Variants in SLC2A2 observed in about 807,000 individuals in gnomAD.
SLC2A2 encodes the protein solute carrier family 2, facilitated glucose transporter member 2.
A neutral mutation model predicts 54.5 loss-of-function variants in SLC2A2; 36 were observed. That is an observed-to-expected ratio of 0.66 (90% CI 0.51 to 0.87). The LOEUF is 0.87. Ranked by LOEUF, SLC2A2 falls within the 40% of genes least tolerant of loss-of-function variation. The pLI is 0.00. For missense variants in SLC2A2, 543 were observed against 624.3 expected (o/e 0.87, Z 1.39); for synonymous variants, 223 against 219.1 (o/e 1.02, Z -0.16).
intron 2 of SLC2A2, among the ~76,000 whole-genome samples, chr3:171,015,367 G>C (rs1716099091): frequency 6.6e-6 from 1 of 152,112 alleles, no homozygotes; most frequent in African/African-American, 2.4e-5. Context: ...CTACTTGGAG[G>C]GGGCTGAAGC....
intron 7 of SLC2A2, 59 bp from the exon 8 acceptor site, chr3:171,002,739 AG>A: frequency 2.2e-6 from 2 of 918,974 alleles, no homozygotes; most frequent in Non-Finnish European, 1.8e-6. Context: ...ATATCTTTAA[AG>A]CAAGAAATAT....
In SLC2A2 at chr3:171,026,678, G is replaced by T. The variant is rs994564889; in HGVS notation, c.-8C>A. On this transcript the variant is annotated 5_prime_UTR_variant, in exon 1 of 11. Coordinates refer to ENST00000314251, the MANE Select transcript of SLC2A2 (RefSeq NM_000340.2). ...TACCTTATCTTCTGTCATTGTACTA[G>T]TTGGGAGTCCTGTCAATTCCAGGTC... The T allele has an allele frequency of 8.1e-6, 13 of 1,612,772 alleles. No individual in the cohort carries two copies. Among genetic ancestry groups the T allele is most frequent in the Non-Finnish European group, 1.0e-5 (12 of 1,178,866 alleles).
At chr3:171,022,899 A>G (rs1311300242) in intron 1 of SLC2A2, among the ~76,000 whole-genome samples, 1 of 152,170 alleles carries the variant, frequency 6.6e-6, no homozygotes, top group African/African-American at 2.4e-5. Flanking sequence ...GTCCCACATT[A>G]CTTTGACAAA....
chr3:171,013,982 A>G (rs1323009626), intron 3 of SLC2A2, among the ~76,000 whole-genome samples: 2 of 145,292 alleles, frequency 1.4e-5, no homozygotes, highest in African/African-American at 2.7e-5. Context: ...ACCGCATAAC[A>G]AATACATTGG....
chr3:171,018,591 A>G lies in SLC2A2; in HGVS notation c.48T>C (p.Thr16=), dbSNP rs1231770999. The change falls in exon 2 of 11, where the codon ACT becomes ACC. Residue 16 remains threonine (T), a synonymous_variant. Coordinates refer to ENST00000314251, the MANE Select transcript of SLC2A2 (RefSeq NM_000340.2). ...CAAACTGGAAGGAACCCAGCACAGC[A>G]GTGATGACAGTGAAAACCAGGGTCC... ...VTGTLVFTVI[T]AVLGSFQFGY... 1 of 1,614,080 alleles carries G rather than the reference A, an allele frequency of 6.2e-7. No individual in the cohort carries two copies. Among genetic ancestry groups the G allele is most frequent in the South Asian group, 1.1e-5 (1 of 91,078 alleles).
chr3:171,014,402 T>C, intron 3 of SLC2A2, 67 bp downstream of exon 3: 1 of 1,539,014 alleles, frequency 6.5e-7, no homozygotes, highest in Non-Finnish European at 9.0e-7. Flanking sequence ...AATATTTTTC[T>C]AAACAAGTGT....
At chr3:171,000,572 A>G (rs554357498) in intron 8 of SLC2A2, among the ~76,000 whole-genome samples, 22 of 152,092 alleles carry the variant, frequency 1.4e-4, no homozygotes, top group African/African-American at 5.3e-4. Context: ...TCTTAGTTCC[A>G]ATTTGGTAGT....
intron 2 of SLC2A2, among the ~76,000 whole-genome samples, chr3:171,015,272 TA>T (rs1333042599): frequency 6.6e-6 from 1 of 152,046 alleles, no homozygotes; most frequent in African/African-American, 2.4e-5. Flanking sequence ...AGTTTGAGAC[TA>T]GGCTGGGCAA....
At chr3:171,019,035 T>A (rs1039035730) in intron 1 of SLC2A2, among the ~76,000 whole-genome samples, 11 of 149,064 alleles carry the variant, frequency 7.4e-5, no homozygotes, top group Non-Finnish European at 1.3e-4. Context: ...AAACTTTGTT[T>A]TATATATATA....
intron 1 of SLC2A2, among the ~76,000 whole-genome samples, chr3:171,025,479 C>T (rs553502430): frequency 6.6e-6 from 1 of 151,918 alleles, no homozygotes; most frequent in African/African-American, 2.4e-5. Flanking sequence ...CCTGAATATC[C>T]CATATTATAT....
chr3:171,003,304 C>T (rs1416606262), intron 7 of SLC2A2, among the ~76,000 whole-genome samples: 2 of 151,778 alleles, frequency 1.3e-5, no homozygotes, highest in Non-Finnish European at 2.9e-5. Flanking sequence ...TATTAATATA[C>T]CACGATTTAC....
At chr3:171,014,831 A>C in intron 2 of SLC2A2, 100 bp from the exon 3 acceptor site, 8 of 917,888 alleles carry the variant, frequency 8.7e-6, no homozygotes, top group Non-Finnish European at 1.4e-5. Context: ...GTACCATCTC[A>C]ATTATGTGTT....
Position 171,005,326 on chromosome 3 carries a change from G to A in SLC2A2, c.922C>T (p.Leu308=), listed in dbSNP as rs751575693. 1.2e-6 allele frequency: 2 copies of A among 1,613,034 alleles called. No individual in the cohort carries two copies. ...SSYRQPILVA[L]MLHVAQQFSG... Reference sequence around the variant, plus strand: ...AATTGCTGAGCCACATGCAGCATCAGTGCCACTAGAATAGGCTGTCGGTAG... The same window carrying A: ...AATTGCTGAGCCACATGCAGCATCAATGCCACTAGAATAGGCTGTCGGTAG... The change falls in exon 7 of 11, where the codon CTG becomes TTG. Residue 308 remains leucine (L), a synonymous_variant. Transcript: ENST00000314251.
At chr3:171,017,235 G>A (rs80253876) in intron 2 of SLC2A2, among the ~76,000 whole-genome samples, 2,879 of 152,170 alleles carry the variant, frequency 0.019, 34 homozygotes, top group Non-Finnish European at 0.027. Flanking sequence ...GATGTTGAAT[G>A]TTAAATTGTT....
rs375208610 is a variant in SLC2A2, at chr3:171,000,151, T to TG, written c.1069-986dup. Among the ~76,000 whole-genome samples, 336 of 151,770 alleles carry TG rather than the reference T, an allele frequency of 2.2e-3. 4 individuals are homozygous for TG. Among genetic ancestry groups the TG allele is most frequent in the African/African-American group, 7.8e-3 (321 of 41,308 alleles). On this transcript the variant is annotated intron_variant, in intron 8 of 10. Coordinates refer to ENST00000314251, the MANE Select transcript of SLC2A2 (RefSeq NM_000340.2). Reference sequence around the variant, plus strand: ...CATCTTAGAAACATTTCACCTACAGTGAAAGCCTGTTTCTCAGAGGCACAC... The same window carrying TG: ...CATCTTAGAAACATTTCACCTACAGTGGAAAGCCTGTTTCTCAGAGGCACAC...
At chr3:171,000,312 A>G (rs1715283600) in intron 8 of SLC2A2, among the ~76,000 whole-genome samples, 1 of 152,124 alleles carries the variant, frequency 6.6e-6, no homozygotes, top group African/African-American at 2.4e-5. Flanking sequence ...CTCTTTTATT[A>G]TGATGTTCAA....
At chr3:171,003,048 GATAA>G (rs1055890893) in intron 7 of SLC2A2, among the ~76,000 whole-genome samples, 2 of 151,920 alleles carry the variant, frequency 1.3e-5, no homozygotes, top group East Asian at 1.9e-4. Context: ...CAGATCAAGA[GATAA>G]ATAATTTCCA....
Position 171,014,696 on chromosome 3 carries a change from A to G in SLC2A2, c.144T>C (p.Val48=). ...TGATAGCTTTTCGGTCATCCAGTGGAACACCCAAAACATGTCTATAGTGAG... is the reference window on the plus strand; with the variant it reads ...TGATAGCTTTTCGGTCATCCAGTGGGACACCCAAAACATGTCTATAGTGAG... ...IISHYRHVLG[V]PLDDRKAINN... Residue 48 remains valine (V), a synonymous_variant, in exon 3 of 11, where the codon GTT becomes GTC. Coordinates refer to ENST00000314251, the MANE Select transcript of SLC2A2 (RefSeq NM_000340.2). 1 of 1,613,576 alleles carries G rather than the reference A, an allele frequency of 6.2e-7. No individual in the cohort carries two copies. The highest frequency in any genetic ancestry group is 1.1e-5 in the South Asian group (1 of 91,072).
chr3:171,012,148 C>T (rs1375333214), intron 3 of SLC2A2, among the ~76,000 whole-genome samples: 1 of 152,080 alleles, frequency 6.6e-6, no homozygotes, highest in Non-Finnish European at 1.5e-5. Context: ...CAAAATGAGG[C>T]CACATTTGGT....
Sources: gnomAD v4.1 joint callset for allele counts (sites outside exome capture counted in the v4.1 genomes callset) on GRCh38, gnomAD v4.1.1 for gene constraint, MANE v1.5 for transcripts, NCBI Gene and HGNC (gene_info 2026-07-23, HGNC 2026-07-21) for gene names.